Variants in ZBTB26 observed in about 807,000 individuals in gnomAD.
ZBTB26 encodes the protein zinc finger and BTB domain containing 26.
A neutral mutation model predicts 31.6 loss-of-function variants in ZBTB26; 12 were observed. The ratio of observed to expected loss-of-function variants is 0.38; its 90% CI spans 0.24 to 0.61. The LOEUF (loss-of-function observed/expected upper bound fraction) is 0.61, where lower values mean the gene tolerates loss of function less well. Among genes scored for constraint, ZBTB26 ranks in the 20% least tolerant of loss-of-function variants. The probability of loss-of-function intolerance (pLI) is 0.60; values close to 1 mark genes in which losing one functional copy is unlikely to be tolerated. For missense variants in ZBTB26, 311 were observed against 521.9 expected (o/e 0.60, Z 3.94); for synonymous variants, 155 against 182.9 (o/e 0.85, Z 1.23).
Position 122,919,748 on chromosome 9 carries a change from A to T in ZBTB26, c.187T>A (p.Leu63Ile). Reference sequence around the variant, plus strand: ...TTCACCTCTCTGGAATCATTCAGTAAAAATTGGTCTCTTAAGAAGGGGGAA... The same window carrying T: ...TTCACCTCTCTGGAATCATTCAGTATAAATTGGTCTCTTAAGAAGGGGGAA... ...AGSPFLRDQF[L>I]LNDSREVKIS... The change falls in exon 2 of 2, where the codon TTA (leucine) becomes ATA (isoleucine). Residue 63 changes from leucine (L) to isoleucine (I), a missense_variant. Leu to Ile is a conservative substitution (Grantham distance 5). Transcript: ENST00000373656. This position sits in a 1 kb window ranked among gnomAD's most constrained non-coding sequence, Gnocchi z 6.1. The T allele has an allele frequency of 6.2e-7, 1 of 1,614,178 alleles. No individual in the cohort carries two copies. The highest frequency in any genetic ancestry group is 8.5e-7 in the Non-Finnish European group (1 of 1,180,028).
Position 122,919,235 on chromosome 9 carries a change from G to A in ZBTB26, c.700C>T (p.Gln234Ter), listed in dbSNP as rs770170491. Residue 234 changes from glutamine to a stop codon, truncating the protein, a stop_gained, in exon 2 of 2, where the codon CAA becomes TAA. Coordinates refer to ENST00000373656, the MANE Select transcript of ZBTB26 (RefSeq NM_020924.4). LOFTEE classifies it high-confidence loss of function. The surrounding 1 kb of genome is among the most constrained non-coding windows in gnomAD (Gnocchi z 6.1). ...AGGGCATAATTGTGGAGATGGTTTT[G>A]TTCTATTTCACTTACTCTGTTTTCC... Reference protein sequence around the residue: ...TVENRVSEIEQNHLHNYALSY... With the variant: ...TVENRVSEIE 1.9e-6 allele frequency: 3 copies of A among 1,614,212 alleles called. No homozygotes were observed. The highest frequency in any genetic ancestry group is 2.5e-6 in the Non-Finnish European group (3 of 1,180,034).
chr9:122,930,860 C>T (rs1319799007), intron 1 of ZBTB26, among the ~76,000 whole-genome samples: 2 of 152,254 alleles, frequency 1.3e-5, no homozygotes, highest in African/African-American at 2.4e-5. Flanking sequence ...GAGCAATTAA[C>T]ACATATGTGA....
intron 1 of ZBTB26, among the ~76,000 whole-genome samples, chr9:122,930,002 C>T (rs1312020500): frequency 2.0e-5 from 3 of 152,102 alleles, no homozygotes; most frequent in East Asian, 1.9e-4. Context: ...TTCATAAATG[C>T]AAGCATTACC....
Position 122,919,191 on chromosome 9 carries a change from A to T in ZBTB26, c.744T>A (p.Asp248Glu). ...CATCTTTTGAGGCCATGATGATGTT[A>T]TCACTGCCTGTATAAGAAAGGGCAT... The part of the protein sequence containing the change: ...HNYALSYTGS[D>E]NIIMASKDVF... The change falls in exon 2 of 2, where the codon GAT becomes GAA. Residue 248 changes from aspartate (D) to glutamate (E), a missense_variant. By Grantham distance (45) the Asp-to-Glu change is conservative. Transcript: ENST00000373656. This position sits in a 1 kb window ranked among gnomAD's most constrained non-coding sequence, Gnocchi z 6.1. 6.2e-7 allele frequency: 1 copy of T among 1,614,246 alleles called. No individual in the cohort carries two copies. Among genetic ancestry groups the T allele is most frequent in the Non-Finnish European group, 8.5e-7 (1 of 1,180,040 alleles).
At chr9:122,921,532 G>A (rs1375917337) in intron 1 of ZBTB26, among the ~76,000 whole-genome samples, 2 of 152,196 alleles carry the variant, frequency 1.3e-5, no homozygotes, top group Non-Finnish European at 2.9e-5. Context: ...ATGGATATCA[G>A]CTCCTGATGG....
intron 1 of ZBTB26, among the ~76,000 whole-genome samples, chr9:122,924,619 CTT>C (rs869184716): frequency 5.6e-3 from 13 of 2,320 alleles, no homozygotes; most frequent in African/African-American, 8.0e-3. Flanking sequence ...TTTCAACTTT[CTT>C]TTTTTTTTTT....
chr9:122,927,313 A>G (rs1833198411), intron 1 of ZBTB26, among the ~76,000 whole-genome samples: 1 of 152,254 alleles, frequency 6.6e-6, no homozygotes, highest in Non-Finnish European at 1.5e-5. Flanking sequence ...TGAGGATAGT[A>G]AAAAATGACT....
intron 1 of ZBTB26, among the ~76,000 whole-genome samples, chr9:122,925,930 T>C (rs1833171554): frequency 6.6e-6 from 1 of 152,038 alleles, no homozygotes; most frequent in Non-Finnish European, 1.5e-5. Flanking sequence ...CTGGCTAATT[T>C]TGTATTTTTA....
intron 1 of ZBTB26, among the ~76,000 whole-genome samples, chr9:122,926,600 A>C (rs1361795579): frequency 6.6e-6 from 1 of 152,040 alleles, no homozygotes; most frequent in Non-Finnish European, 1.5e-5. Flanking sequence ...ATTGAGCTGC[A>C]CACTTATGAC....
At chr9:122,926,423 C>A (rs910399039) in intron 1 of ZBTB26, among the ~76,000 whole-genome samples, 1 of 150,486 alleles carries the variant, frequency 6.6e-6, no homozygotes, top group Non-Finnish European at 1.5e-5. Flanking sequence ...AGGAGAATGG[C>A]GTGAACCCGG....
At chr9:122,920,760 G>A (rs1193265687) in intron 1 of ZBTB26, among the ~76,000 whole-genome samples, 4 of 152,158 alleles carry the variant, frequency 2.6e-5, no homozygotes, top group African/African-American at 9.7e-5. Context: ...TGAGCTATAT[G>A]GTGGGAATCT....
Position 122,916,464 on chromosome 9 carries a change from T to C in ZBTB26, c.*2145A>G, listed in dbSNP as rs1286810043. The C allele has an allele frequency of 6.6e-6, 1 of 152,216 alleles. No individual in the cohort carries two copies. The highest frequency in any genetic ancestry group is 1.5e-5 in the Non-Finnish European group (1 of 68,042). The allele number at this position is 152,216 out of a possible 1,614,324, so 9.4% of individuals were successfully genotyped here. ...TCTCCAACCAAAGAGACCAATCTTA[T>C]TTGAACCCGTGCCTTTTAGTCTTCA... On this transcript the variant is annotated 3_prime_UTR_variant, in exon 2 of 2. Coordinates refer to ENST00000373656, the MANE Select transcript of ZBTB26 (RefSeq NM_020924.4).
intron 1 of ZBTB26, among the ~76,000 whole-genome samples, chr9:122,923,153 C>T (rs988820076): frequency 1.5e-5 from 2 of 132,788 alleles, no homozygotes; most frequent in Non-Finnish European, 3.1e-5. Context: ...CTCTGCACTC[C>T]AGCCTAGGCA....
chr9:122,925,980 G>A (rs564926831), intron 1 of ZBTB26, among the ~76,000 whole-genome samples: 5 of 151,960 alleles, frequency 3.3e-5, no homozygotes, highest in East Asian at 3.9e-4. Flanking sequence ...GGCTGGTCTC[G>A]AACTCCCGAC....
intron 1 of ZBTB26, among the ~76,000 whole-genome samples, chr9:122,928,596 T>C (rs139273149): frequency 1.9e-3 from 297 of 152,372 alleles, no homozygotes; most frequent in African/African-American, 6.3e-3. Context: ...GGTAAGTATC[T>C]CTTTCAAAGC....
At chr9:122,928,035 A>G (rs1435933877) in intron 1 of ZBTB26, among the ~76,000 whole-genome samples, 6 of 152,062 alleles carry the variant, frequency 3.9e-5, no homozygotes, top group Non-Finnish European at 7.4e-5. Context: ...GGGTTTCACC[A>G]TGTTGGCCAG....
At chr9:122,926,376 G>C (rs955488797) in intron 1 of ZBTB26, among the ~76,000 whole-genome samples, 2 of 151,880 alleles carry the variant, frequency 1.3e-5, no homozygotes, top group Non-Finnish European at 2.9e-5. Context: ...GAGTGGTGGC[G>C]GGCACCTGTA....
intron 1 of ZBTB26, among the ~76,000 whole-genome samples, chr9:122,927,140 A>G (rs892181854): frequency 2.6e-5 from 4 of 152,186 alleles, no homozygotes; most frequent in Non-Finnish European, 4.4e-5. Context: ...CTATTGCCTC[A>G]GTTACTGAGA....
chr9:122,919,514 G>T lies in ZBTB26; in HGVS notation c.421C>A (p.Pro141Thr), dbSNP rs1448195305. The T allele has an allele frequency of 1.9e-6, 3 of 1,614,008 alleles. No individual in the cohort carries two copies. The highest frequency in any genetic ancestry group is 2.5e-6 in the Non-Finnish European group (3 of 1,180,036). Residue 141 changes from proline (P) to threonine (T), a missense_variant, in exon 2 of 2, where the codon CCA becomes ACA. By Grantham distance (38) the Pro-to-Thr change is conservative. Transcript: ENST00000373656. The surrounding 1 kb of genome is among the most constrained non-coding windows in gnomAD (Gnocchi z 6.1). Reference sequence around the variant, plus strand: ...TTTGACTGGGGAGAAGCACTCTGTGGTTCACATCCCTCTTTACTATCCATT... The same window carrying T: ...TTTGACTGGGGAGAAGCACTCTGTGTTTCACATCCCTCTTTACTATCCATT... The part of the protein sequence containing the change: ...QPMDSKEGCE[P>T]QSASPQSKEQ...
Sources: gnomAD v4.1 joint callset for allele counts (sites outside exome capture counted in the v4.1 genomes callset) on GRCh38, gnomAD v4.1.1 for gene constraint, Gnocchi (gnomAD v3.1) non-coding constraint, MANE v1.5 for transcripts, NCBI Gene and HGNC (gene_info 2026-07-23, HGNC 2026-07-21) for gene names.